The following STAT1 variants were observed in gnomAD, a reference collection of about 807,000 sequenced individuals.
STAT1 encodes signal transducer and activator of transcription 1-alpha/beta.
In STAT1, 24 loss-of-function variants were observed where a neutral mutation model predicts 111.7. That is an observed-to-expected ratio of 0.21 (90% CI 0.16 to 0.30). STAT1 has a LOEUF of 0.30. STAT1 is among the 10% of genes least tolerant of loss of function. The pLI is 1.00. For missense variants in STAT1, 351 were observed against 911.9 expected (o/e 0.38, Z 7.92); for synonymous variants, 332 against 326.5 (o/e 1.02, Z -0.18).
rs1482704321 is a variant in STAT1 at position 190,978,768 on chromosome 2, G to A, written c.1873+88C>T. The A allele has an allele frequency of 2.3e-5, 35 of 1,533,540 alleles. No individual in the cohort carries two copies. Among genetic ancestry groups the A allele is most frequent in the South Asian group, 2.1e-4 (18 of 84,968 alleles). The allele number at this position is 1,533,540 out of a possible 1,614,324, so 95.0% of individuals were successfully genotyped here. On this transcript the variant is annotated intron_variant, in intron 21 of 24. Transcript: ENST00000361099. This position sits in a 1 kb window ranked among gnomAD's most constrained non-coding sequence, Gnocchi z 6.1. ...AGATCTGCAATTTCATGTCCCAAACGCACTATCTGTATGAGCTGACTGGCG... is the reference window on the plus strand; with the variant it reads ...AGATCTGCAATTTCATGTCCCAAACACACTATCTGTATGAGCTGACTGGCG...
rs1402213662 is a variant in STAT1 at position 190,987,009 on chromosome 2, G to A, written c.1127+30C>T. 1 of 1,610,512 alleles carries A rather than the reference G, an allele frequency of 6.2e-7. No homozygotes were observed. The highest frequency in any genetic ancestry group is 8.5e-7 in the Non-Finnish European group (1 of 1,176,838). ...CAACTATTAAATAAATAAAAATATA[G>A]CACAGTATAGCGTAAAGTACGTCAC... On this transcript the variant is annotated intron_variant, in intron 13 of 24. Transcript: ENST00000361099. This position sits in a 1 kb window ranked among gnomAD's most constrained non-coding sequence, Gnocchi z 4.0.
intron 3 of STAT1, 97 bp downstream of exon 3, chr2:191,009,779 T>C: frequency 2.7e-6 from 4 of 1,495,234 alleles, no homozygotes; most frequent in Non-Finnish European, 3.7e-6. Flanking sequence ...TGGCCATTGA[T>C]GGAATTCATC....
In STAT1 at chr2:191,007,997, T is replaced by C. The variant is rs1476477610; in HGVS notation, c.274-336A>G. ...TAGGATCCCGAGACAATGCAAATGA[T>C]ATAAAAACTATACATGACATTCCTC... On this transcript the variant is annotated intron_variant, in intron 4 of 24. Coordinates refer to ENST00000361099, the MANE Select transcript of STAT1 (RefSeq NM_007315.4). The surrounding 1 kb of genome is among the most constrained non-coding windows in gnomAD (Gnocchi z 4.2). 6.4e-6 allele frequency: 3 copies of C among 467,298 alleles called. No individual in the cohort carries two copies. The highest frequency in any genetic ancestry group is 1.3e-5 in the Non-Finnish European group (3 of 235,190). 28.9% of individuals were successfully genotyped at this position (467,298 alleles called of 1,614,324 possible).
At chr2:190,985,084 A>G (rs567408748) in intron 15 of STAT1, among the ~76,000 whole-genome samples, 8 of 152,360 alleles carry the variant, frequency 5.3e-5, no homozygotes, top group African/African-American at 1.9e-4. Context: ...AAGTGTTCTC[A>G]ACCAAAACAA....
rs894517424 is a variant in STAT1, at chr2:190,977,244, A to G, written c.1874-219T>C. Among the ~76,000 whole-genome samples the G allele has an allele frequency of 6.6e-6, 1 of 152,164 alleles. No homozygotes were observed. Among genetic ancestry groups the G allele is most frequent in the Admixed American group, 6.5e-5 (1 of 15,278 alleles). On this transcript the variant is annotated intron_variant, in intron 21 of 24. Transcript: ENST00000361099. The surrounding 1 kb of genome is among the most constrained non-coding windows in gnomAD (Gnocchi z 4.7). ...GAGGTATTATTCTCAATAACATTCT[A>G]TTTGCCATTATTTGCTTAGATTTAT...
chr2:190,993,727 G>A lies in STAT1; in HGVS notation c.944+1334C>T, dbSNP rs1040397565. Among the ~76,000 whole-genome samples the A allele has an allele frequency of 6.6e-6, 1 of 151,846 alleles. No individual in the cohort carries two copies. On this transcript the variant is annotated intron_variant, in intron 10 of 24. Coordinates refer to ENST00000361099, the MANE Select transcript of STAT1 (RefSeq NM_007315.4). The surrounding 1 kb of genome is among the most constrained non-coding windows in gnomAD (Gnocchi z 4.1). ...GCCCCCTGGAACGCAATCAGCAGCC[G>A]CTGCCACTCAGCTATTGCTTCCACC... is the stretch of plus-strand genomic sequence containing the variant.
In STAT1 at chr2:190,995,094, C is replaced by T. The variant is rs763976174; in HGVS notation, c.911G>A (p.Arg304His). The change falls in exon 10 of 25, where the codon CGC (arginine) becomes CAC (histidine). Residue 304 changes from arginine to histidine, a missense_variant. Physicochemically the swap from Arg to His is conservative, Grantham distance 29. Around this residue, in one of 7 missense-constraint regions of STAT1, gnomAD observed 16 missense variants for 23.7 expected, o/e 0.67. Coordinates refer to ENST00000361099, the MANE Select transcript of STAT1 (RefSeq NM_007315.4). The surrounding 1 kb of genome is among the most constrained non-coding windows in gnomAD (Gnocchi z 4.2). The stretch of plus-strand genomic sequence containing the variant: ...GAGCTGCTGGAAAAGACTGAAGGTG[C>T]GGTCCCATAACACTTGTTTGTTTTT... ...ITKNKQVLWD[R>H]TFSLFQQLIQ... The T allele has an allele frequency of 4.3e-6, 7 of 1,613,642 alleles. No homozygotes were observed. The highest frequency in any genetic ancestry group is 1.1e-5 in the South Asian group (1 of 91,074).
chr2:190,994,984 A>T, intron 10 of STAT1, 77 bp downstream of exon 10: 1 of 1,216,982 alleles, frequency 8.2e-7, no homozygotes, highest in Non-Finnish European at 1.2e-6. Context: ...ACCCTTGTAA[A>T]TCATCTGAAT....
Position 191,004,572 on chromosome 2 carries a change from G to C in STAT1, c.372+2991C>G, listed in dbSNP as rs1002168092. ...CTCCAGTGAACTAGTTTTAGAGTTGGACAATACTGGGTTTAAATTCCAAAC... is the reference window on the plus strand; with the variant it reads ...CTCCAGTGAACTAGTTTTAGAGTTGCACAATACTGGGTTTAAATTCCAAAC... On this transcript the variant is annotated intron_variant, in intron 5 of 24. Transcript: ENST00000361099. This position sits in a 1 kb window ranked among gnomAD's most constrained non-coding sequence, Gnocchi z 5.0. Among the ~76,000 whole-genome samples the C allele has an allele frequency of 6.6e-6, 1 of 152,176 alleles. No individual in the cohort carries two copies. Among genetic ancestry groups the C allele is most frequent in the Non-Finnish European group, 1.5e-5 (1 of 68,032 alleles).
At position 190,999,551 on chromosome 2, in the gene STAT1, G is replaced by A; in HGVS notation, c.541+75C>T. The A allele has an allele frequency of 4.0e-6, 4 of 995,666 alleles. No individual in the cohort carries two copies. In the South Asian group the frequency reaches 5.2e-5, roughly 13 times the overall value. The allele number at this position is 995,666 out of a possible 1,614,324, so 61.7% of individuals were successfully genotyped here. On this transcript the variant is annotated intron_variant, in intron 7 of 24. Coordinates refer to ENST00000361099, the MANE Select transcript of STAT1 (RefSeq NM_007315.4). The surrounding 1 kb of genome is among the most constrained non-coding windows in gnomAD (Gnocchi z 4.1). Reference sequence around the variant, plus strand: ...TAAAATACTCGGCAAATAGAAAGGAGTAATCATCTTCGTTATCTAGTGTGA... The same window carrying A: ...TAAAATACTCGGCAAATAGAAAGGAATAATCATCTTCGTTATCTAGTGTGA...
Position 191,013,651 on chromosome 2 carries a change from G to A in STAT1, c.-128C>T. 2.5e-6 allele frequency: 1 copy of A among 398,650 alleles called. No individual in the cohort carries two copies. Among genetic ancestry groups the A allele is most frequent in the Non-Finnish European group, 4.4e-6 (1 of 226,100 alleles). The allele number at this position is 398,650 out of a possible 1,614,324, so 24.7% of individuals were successfully genotyped here. ...GCGAACGTTAACCTAGACAGCTCTC[G>A]AGGATGGCATACAGCAAATGAAACT... On this transcript the variant is annotated 5_prime_UTR_variant, in exon 2 of 25. Transcript: ENST00000361099.
At position 190,998,803 on chromosome 2, in the gene STAT1, T is replaced by A. The variant is rs1694046161; in HGVS notation, c.542-495A>T. ...AATGTAAATAACATTAATAATAATGTTATTATTATTATAAAAATAAATGTA... is the reference window on the plus strand; with the variant it reads ...AATGTAAATAACATTAATAATAATGATATTATTATTATAAAAATAAATGTA... On this transcript the variant is annotated intron_variant, in intron 7 of 24. Transcript: ENST00000361099. This position sits in a 1 kb window ranked among gnomAD's most constrained non-coding sequence, Gnocchi z 4.1. Among the ~76,000 whole-genome samples, 1 of 150,348 alleles carries A rather than the reference T, an allele frequency of 6.7e-6. No homozygotes were observed. Among genetic ancestry groups the A allele is most frequent in the Admixed American group, 6.6e-5 (1 of 15,202 alleles).
chr2:190,970,146 TC>T lies in STAT1; in HGVS notation c.*556del. 1 of 163,532 alleles carries T rather than the reference TC, an allele frequency of 6.1e-6. No homozygotes were observed. Among genetic ancestry groups the T allele is most frequent in the African/African-American group, 2.4e-5 (1 of 41,660 alleles). 10.1% of individuals were successfully genotyped at this position (163,532 alleles called of 1,614,324 possible). ...AAATACACATTTTCCCCCTACCAGA[TC>T]CATGATGGCTACCTTTGAAAGAGGA... On this transcript the variant is annotated 3_prime_UTR_variant, in exon 25 of 25. Transcript: ENST00000361099. This position sits in a 1 kb window ranked among gnomAD's most constrained non-coding sequence, Gnocchi z 5.4.
intron 2 of STAT1, among the ~76,000 whole-genome samples, chr2:191,011,280 GT>G (rs1277613005): frequency 6.6e-6 from 1 of 152,206 alleles, no homozygotes; most frequent in Non-Finnish European, 1.5e-5. Flanking sequence ...GGAAAAATCT[GT>G]GGCTGTCTCC....
In STAT1 at chr2:190,975,428, T is replaced by G. The variant is rs1448422267; in HGVS notation, c.2135+384A>C. The G allele has an allele frequency of 1.5e-5, 11 of 747,318 alleles. No homozygotes were observed. In the Admixed American group the frequency reaches 2.3e-4, roughly 16 times the overall value. The allele number at this position is 747,318 out of a possible 1,614,324, so 46.3% of individuals were successfully genotyped here. A position where few individuals can be genotyped will look rare whatever the true frequency, so the allele number is the denominator to read the frequency against. ...ACTGACAATGACATTTCCAAAATTT[T>G]TTCTACCTTTTATAAAATGAAACAA... On this transcript the variant is annotated intron_variant, in intron 23 of 24. Transcript: ENST00000361099. The surrounding 1 kb of genome is among the most constrained non-coding windows in gnomAD (Gnocchi z 5.9).
At position 190,982,027 on chromosome 2, in the gene STAT1, C is replaced by T. The variant is rs558064261; in HGVS notation, c.1582+356G>A. ...TTATTTCTCATCATGTCAGGGACTT[C>T]CTTTTTTCTCCCCAAGGTTAATGGT... is the stretch of plus-strand genomic sequence containing the variant. On this transcript the variant is annotated intron_variant, in intron 18 of 24. Transcript: ENST00000361099. This position sits in a 1 kb window ranked among gnomAD's most constrained non-coding sequence, Gnocchi z 7.3. 7.5e-4 allele frequency among the ~76,000 whole-genome samples: 114 copies of T among 152,326 alleles called. No homozygotes were observed. Among genetic ancestry groups the T allele is most frequent in the Non-Finnish European group, 1.4e-3 (92 of 68,026 alleles).
At position 190,995,484 on chromosome 2, in the gene STAT1, C is replaced by T. The variant is rs941022522; in HGVS notation, c.786-265G>A. ...GAGAGTTTGTGGAGGGAAATTCCCA[C>T]TTATAAAACCATCAGATCTCGTGAG... is the stretch of plus-strand genomic sequence containing the variant. On this transcript the variant is annotated intron_variant, in intron 9 of 24. Transcript: ENST00000361099. This position sits in a 1 kb window ranked among gnomAD's most constrained non-coding sequence, Gnocchi z 4.2. Among the ~76,000 whole-genome samples the T allele has an allele frequency of 6.6e-6, 1 of 152,276 alleles. No homozygotes were observed. The highest frequency in any genetic ancestry group is 3.4e-3 in the Middle Eastern group (1 of 294).
rs764966375 is a variant in STAT1 at position 190,986,532 on chromosome 2, T to C, written c.1221+322A>G. Among the ~76,000 whole-genome samples the C allele has an allele frequency of 7.9e-5, 12 of 152,162 alleles. No homozygotes were observed. The highest frequency in any genetic ancestry group is 1.2e-4 in the Non-Finnish European group (8 of 68,020). ...GATCACAGTCAGGACACGGGAGCCA[T>C]AACCTTTGAGAAAACTGCAAGCGTA... On this transcript the variant is annotated intron_variant, in intron 14 of 24. Transcript: ENST00000361099. This position sits in a 1 kb window ranked among gnomAD's most constrained non-coding sequence, Gnocchi z 5.0.
At chr2:191,010,065 G>C (rs1695008110) in intron 2 of STAT1, 61 bp from the exon 3 acceptor site, 1 of 1,589,304 alleles carries the variant, frequency 6.3e-7, no homozygotes, top group African/African-American at 1.3e-5. Context: ...TCCAAAGAAA[G>C]CCTTCCTAGC....
Sources: allele counts gnomAD v4.1 joint callset (sites outside exome capture counted in the v4.1 genomes callset), GRCh38; gene constraint gnomAD v4.1.1; regional missense constraint gnomAD v4.1.1; non-coding constraint Gnocchi (gnomAD v3.1); transcripts MANE v1.5; gene names NCBI Gene and HGNC (gene_info 2026-07-23, HGNC 2026-07-21).